RPA2: variants seen among roughly 807,000 people sequenced by gnomAD.
RPA2 encodes replication protein A 32 kDa subunit.
RPA2 carries 22 observed loss-of-function variants against 33.4 expected under a neutral mutation model. The ratio of observed to expected loss-of-function variants is 0.66; its 90% CI spans 0.47 to 0.94. RPA2 has a LOEUF of 0.94. RPA2 is among the 40% of genes least tolerant of loss of function. The pLI is 0.00. For missense variants in RPA2, 279 were observed against 329.9 expected, an observed-to-expected ratio of 0.85 and a Z score of 1.19; for synonymous variants, 109 against 114.9, an observed-to-expected ratio of 0.95 and a Z score of 0.33.
chr1:27,899,501 C>CAAAA (rs1296911678), intron 4 of RPA2, among the ~76,000 whole-genome samples: 1 of 46,678 alleles, frequency 2.1e-5, no homozygotes, highest in African/African-American at 8.8e-5. Flanking sequence ...GACTCTATCT[C>CAAAA]AAAAAAAAAA....
chr1:27,893,783 T>C (rs1420134544), intron 8 of RPA2, among the ~76,000 whole-genome samples: 1 of 151,134 alleles, frequency 6.6e-6, no homozygotes, highest in South Asian at 2.1e-4. Flanking sequence ...AATTTTTGTA[T>C]TTTTAGTAGA....
chr1:27,894,534 G>A (rs1242469768), intron 6 of RPA2, 137 bp from the exon 7 acceptor site: 2 of 631,900 alleles, frequency 3.2e-6, no homozygotes, highest in East Asian at 5.4e-5. Flanking sequence ...GCTTACATTG[G>A]AGTGGACAGC....
chr1:27,904,536 A>T (rs769294124), intron 4 of RPA2, among the ~76,000 whole-genome samples: 53 of 152,192 alleles, frequency 3.5e-4, no homozygotes, highest in Non-Finnish European at 2.8e-4. Flanking sequence ...GTACTCCAAC[A>T]ATAACTGCTG....
intron 2 of RPA2, among the ~76,000 whole-genome samples, chr1:27,908,559 G>A (rs770283708): frequency 3.3e-5 from 5 of 151,846 alleles, no homozygotes; most frequent in African/African-American, 7.3e-5. Context: ...GTGGTGGCGC[G>A]ATCTCAGCTC....
At chr1:27,905,572 T>C (rs1213089504) in intron 4 of RPA2, among the ~76,000 whole-genome samples, 1 of 152,230 alleles carries the variant, frequency 6.6e-6, no homozygotes, top group African/African-American at 2.4e-5. Context: ...ATTACAGGCG[T>C]GAGCCACTTC....
chr1:27,914,008 G>A, intron 2 of RPA2, 55 bp downstream of exon 2: 2 of 1,468,198 alleles, frequency 1.4e-6, no homozygotes, highest in Non-Finnish European at 1.8e-6. Context: ...TGTCATAGAT[G>A]ACTCAGGGAC....
In RPA2 at chr1:27,892,024, AAAGGAAGTC is replaced by A; in HGVS notation, c.*130_*138del. On this transcript the variant is annotated 3_prime_UTR_variant, in exon 9 of 9. Transcript: ENST00000373912. ...TAAAACAGAAGAGCAGTAAGTTTCA[AAAGGAAGTC>A]AGAGGAGACATTTGATAGATGAAAC... 1 of 613,000 alleles carries A rather than the reference AAAGGAAGTC, an allele frequency of 1.6e-6. No homozygotes were observed. Among genetic ancestry groups the A allele is most frequent in the Admixed American group, 2.7e-5 (1 of 37,038 alleles). 38.0% of individuals were successfully genotyped at this position (613,000 alleles called of 1,614,324 possible).
At chr1:27,902,639 C>T (rs372301857) in intron 4 of RPA2, among the ~76,000 whole-genome samples, 3 of 151,932 alleles carry the variant, frequency 2.0e-5, no homozygotes, top group Admixed American at 6.6e-5. Flanking sequence ...AAGACAAAAA[C>T]CCATTGTTAT....
chr1:27,896,926 A>G (rs2089899371), intron 6 of RPA2, 79 bp downstream of exon 6: 1 of 1,026,078 alleles, frequency 9.7e-7, no homozygotes, highest in South Asian at 1.5e-5. Flanking sequence ...CAAAATATCA[A>G]GGAAATCAAA....
At chr1:27,913,073 C>T (rs1271290673) in intron 2 of RPA2, among the ~76,000 whole-genome samples, 1 of 152,058 alleles carries the variant, frequency 6.6e-6, no homozygotes, top group African/African-American at 2.4e-5. Context: ...CTGCTTCAGC[C>T]TCCCTAGTAG....
chr1:27,901,814 G>C (rs771717250), intron 4 of RPA2, among the ~76,000 whole-genome samples: 2 of 151,974 alleles, frequency 1.3e-5, no homozygotes, highest in Non-Finnish European at 2.9e-5. Flanking sequence ...TGCCCAGGCT[G>C]GTCTTGAAAT....
chr1:27,910,552 T>A (rs1415441937), intron 2 of RPA2, among the ~76,000 whole-genome samples: 3 of 152,196 alleles, frequency 2.0e-5, no homozygotes, highest in Non-Finnish European at 4.4e-5. Context: ...ACTAAAAAAA[T>A]TTTCATAGCT....
chr1:27,902,652 A>C (rs1170122754), intron 4 of RPA2, among the ~76,000 whole-genome samples: 3 of 152,052 alleles, frequency 2.0e-5, no homozygotes, highest in Non-Finnish European at 4.4e-5. Context: ...ATTGTTATAA[A>C]GGGTATGGAG....
intron 4 of RPA2, 83 bp from the exon 5 acceptor site, chr1:27,897,790 A>G: frequency 1.0e-6 from 1 of 990,130 alleles, no homozygotes; most frequent in Non-Finnish European, 1.4e-6. Flanking sequence ...ATGTATAGAA[A>G]GAGAAAGTTA....
At position 27,894,307 on chromosome 1, in the gene RPA2, T is replaced by G; in HGVS notation, c.616A>C (p.Thr206Pro). Residue 206 changes from threonine (T) to proline (P), a missense_variant, in exon 7 of 9, where the codon ACT becomes CCT. Transcript: ENST00000373912. ...GAGGTTACCTGGTTTTGGGCCACAG[T>G]GAGGCCATTTGCTGGCATGAAGCTA... Reference protein sequence around the residue: ...GNSFMPANGLTVAQNQVLNLI... With the variant: ...GNSFMPANGLPVAQNQVLNLI... The G allele has an allele frequency of 6.2e-7, 1 of 1,614,108 alleles. No homozygotes were observed. Among genetic ancestry groups the G allele is most frequent in the East Asian group, 2.2e-5 (1 of 44,888 alleles).
At chr1:27,909,623 A>T (rs1304960285) in intron 2 of RPA2, among the ~76,000 whole-genome samples, 1 of 152,112 alleles carries the variant, frequency 6.6e-6, no homozygotes, top group Non-Finnish European at 1.5e-5. Flanking sequence ...CTGAGGCAGG[A>T]GAATCACTTG....
At chr1:27,903,160 A>G (rs2089987632) in intron 4 of RPA2, among the ~76,000 whole-genome samples, 1 of 151,922 alleles carries the variant, frequency 6.6e-6, no homozygotes, top group African/African-American at 2.4e-5. Context: ...AACTCCTGAC[A>G]TCAGGTGATC....
chr1:27,907,977 T>C (rs2090051982), intron 2 of RPA2, among the ~76,000 whole-genome samples: 1 of 151,888 alleles, frequency 6.6e-6, no homozygotes, highest in Non-Finnish European at 1.5e-5. Flanking sequence ...GCCTCCTGAG[T>C]AGCTGGGACT....
chr1:27,911,380 CAG>C (rs1304331451), intron 2 of RPA2, among the ~76,000 whole-genome samples: 1 of 152,012 alleles, frequency 6.6e-6, no homozygotes, highest in African/African-American at 2.4e-5. Context: ...AAAAAAAATT[CAG>C]AGACTGGGAT....
Sources: allele counts gnomAD v4.1 joint callset (sites outside exome capture counted in the v4.1 genomes callset), GRCh38; gene constraint gnomAD v4.1.1; transcripts MANE v1.5; gene names NCBI Gene and HGNC (gene_info 2026-07-23, HGNC 2026-07-21).